Variants in ABCC11 observed in about 807,000 individuals in gnomAD.
ABCC11 encodes the protein ATP binding cassette subfamily C member 11.
ABCC11 carries 135 observed loss-of-function variants against 149.3 expected under a neutral mutation model. The ratio of observed to expected loss-of-function variants is 0.90; its 90% CI spans 0.79 to 1.04. The LOEUF (loss-of-function observed/expected upper bound fraction) is 1.04, where lower values mean the gene tolerates loss of function less well. Among genes scored for constraint, ABCC11 ranks in the 50% least tolerant of loss-of-function variants. The pLI is 0.00. For synonymous variants in ABCC11, 665 were observed against 671.4 expected (o/e 0.99, Z 0.15); for missense variants, 1,680 against 1,722.1 (o/e 0.98, Z 0.43).
At chr16:48,180,837 A>C (rs1360832662) in intron 23 of ABCC11, among the ~76,000 whole-genome samples, 1 of 152,218 alleles carries the variant, frequency 6.6e-6, no homozygotes, top group Non-Finnish European at 1.5e-5. Context: ...TGACTTGGAA[A>C]GTACTGAAGG....
chr16:48,179,082 T>C (rs746050113), intron 23 of ABCC11, among the ~76,000 whole-genome samples: 6 of 152,262 alleles, frequency 3.9e-5, no homozygotes, highest in Non-Finnish European at 8.8e-5. Flanking sequence ...AATGCTCCCA[T>C]CTCCCAGCCT....
chr16:48,232,813 C>A (rs1970494171), intron 1 of ABCC11, among the ~76,000 whole-genome samples: 1 of 152,212 alleles, frequency 6.6e-6, no homozygotes, highest in Non-Finnish European at 1.5e-5. Flanking sequence ...TAAATTTGAA[C>A]AAGAAGACCC....
chr16:48,197,795 C>A (rs539824230), intron 17 of ABCC11, among the ~76,000 whole-genome samples, 176 bp downstream of exon 17: 1 of 152,282 alleles, frequency 6.6e-6, no homozygotes, highest in East Asian at 1.9e-4. Context: ...TCCTGCCCAT[C>A]AGTCTACACC....
At chr16:48,220,776 G>C (rs951195530) in intron 6 of ABCC11, among the ~76,000 whole-genome samples, 1 of 152,148 alleles carries the variant, frequency 6.6e-6, no homozygotes, top group South Asian at 2.1e-4. Flanking sequence ...TTTATGGAAC[G>C]CCTCTACTTG....
intron 19 of ABCC11, among the ~76,000 whole-genome samples, chr16:48,192,927 G>A (rs1248849370): frequency 3.9e-5 from 6 of 152,296 alleles, no homozygotes; most frequent in African/African-American, 1.2e-4. Flanking sequence ...CTGCCCCGTG[G>A]ACACTGCAGC....
chr16:48,231,675 AAG>A (rs1277406308), intron 2 of ABCC11, 146 bp downstream of exon 2: 9,677 of 812,342 alleles, frequency 0.012, 160 homozygotes, highest in African/African-American at 0.088. Context: ...AAAAAAAAAA[AAG>A]AGAGAGAGAG....
In ABCC11 at chr16:48,171,199, GTGT is replaced by G. The variant is rs1448758087; in HGVS notation, c.3699-235_3699-233del. 7.2e-4 allele frequency among the ~76,000 whole-genome samples: 109 copies of G among 152,328 alleles called. 2 individuals are homozygous for G. Among genetic ancestry groups the G allele is most frequent in the African/African-American group, 2.5e-3 (103 of 41,574 alleles). On this transcript the variant is annotated intron_variant, in intron 26 of 29. Coordinates refer to ENST00000356608, the MANE Select transcript of ABCC11 (RefSeq NM_001370497.1). ...CCTCCTCCCCAGTCCCCCAGCCCATGTGTTCCAGGGCAGGCTCCACCATCCACT... is the reference window on the plus strand; with the variant it reads ...CCTCCTCCCCAGTCCCCCAGCCCATGTCCAGGGCAGGCTCCACCATCCACT...
intron 11 of ABCC11, among the ~76,000 whole-genome samples, chr16:48,208,870 T>TCATG (rs1321312074): frequency 2.0e-5 from 3 of 152,176 alleles, no homozygotes; most frequent in Admixed American, 6.5e-5. Context: ...TCACAGAATT[T>TCATG]CATGCATGCA....
At position 48,230,501 on chromosome 16, in the gene ABCC11, C is replaced by G; in HGVS notation, c.172G>C (p.Val58Leu). The stretch of plus-strand genomic sequence containing the variant: ...GCATCATACTTCCCCCACGGTGGGA[C>G]AGCTGCCCTCCCTGGAGCCTCAGGA... ...RNPEAPGRAA[V>L]PPWGKYDAAL... The change falls in exon 3 of 30, where the codon GTC becomes CTC. Residue 58 changes from valine to leucine, a missense_variant. Coordinates refer to ENST00000356608, the MANE Select transcript of ABCC11 (RefSeq NM_001370497.1). 6.2e-7 allele frequency: 1 copy of G among 1,612,710 alleles called. No individual in the cohort carries two copies. Among genetic ancestry groups the G allele is most frequent in the Non-Finnish European group, 8.5e-7 (1 of 1,179,362 alleles).
At position 48,211,200 on chromosome 16, in the gene ABCC11, C is replaced by A. The variant is rs760544160; in HGVS notation, c.1357-1G>T. On this transcript the variant is annotated splice_acceptor_variant, in intron 10 of 29. Transcript: ENST00000356608. LOFTEE classifies it high-confidence loss of function. The stretch of plus-strand genomic sequence containing the variant: ...CAGGGCTCTCCTGGAGGAAAAACTT[C>A]TGTAAAGACAGAAAAAAATAGAGGG... 1.2e-6 allele frequency: 2 copies of A among 1,612,838 alleles called. No homozygotes were observed. The highest frequency in any genetic ancestry group is 1.7e-6 in the Non-Finnish European group (2 of 1,179,402).
At chr16:48,199,399 C>CA (rs957510690) in intron 15 of ABCC11, among the ~76,000 whole-genome samples, 191 of 140,596 alleles carry the variant, frequency 1.4e-3, no homozygotes, top group East Asian at 7.8e-3. Context: ...TATTTTATAC[C>CA]AAAAAAAAAT....
intron 23 of ABCC11, among the ~76,000 whole-genome samples, chr16:48,182,889 C>T (rs1187000847): frequency 6.6e-6 from 1 of 151,778 alleles, no homozygotes; most frequent in African/African-American, 2.4e-5. Context: ...CCTCTCTGTG[C>T]CTGGGATTCC....
chr16:48,183,717 C>T (rs1966585327), intron 23 of ABCC11, among the ~76,000 whole-genome samples: 1 of 152,184 alleles, frequency 6.6e-6, no homozygotes, highest in African/African-American at 2.4e-5. Flanking sequence ...GAGCCAAGAT[C>T]GTGCCACTGT....
intron 19 of ABCC11, among the ~76,000 whole-genome samples, chr16:48,193,586 G>C (rs1268641046): frequency 6.6e-6 from 1 of 152,210 alleles, no homozygotes; most frequent in Non-Finnish European, 1.5e-5. Context: ...GGAGCTAAAG[G>C]AGACAGTTAC....
In ABCC11 at chr16:48,170,889, G is replaced by C; in HGVS notation, c.3777C>G (p.Ala1259=). 6.2e-7 allele frequency: 1 copy of C among 1,612,602 alleles called. No homozygotes were observed. The highest frequency in any genetic ancestry group is 8.5e-7 in the Non-Finnish European group (1 of 1,178,684). Residue 1259 remains alanine (A), a splice_region_variant and synonymous_variant, in exon 27 of 30, where the codon GCC becomes GCG. Transcript: ENST00000356608. ...AGACTTGGGCCTTGGAGCTACTTAC[G>C]GCCTTGGTCAGGAATGTCCTCTCCA... The part of the protein sequence containing the change: ...DALERTFLTK[A]ISKFPKKLHT...
At position 48,214,869 on chromosome 16, in the gene ABCC11, C is replaced by T. The variant is rs763975884; in HGVS notation, c.1248+12G>A. ...CATGATGGGGAGAAAACAAAGCCCC[C>T]CAAACCCTTACCATTGACGCTGTGA... On this transcript the variant is annotated intron_variant, in intron 9 of 29. Coordinates refer to ENST00000356608, the MANE Select transcript of ABCC11 (RefSeq NM_001370497.1). 1.1e-5 allele frequency: 18 copies of T among 1,613,996 alleles called. No homozygotes were observed. Among genetic ancestry groups the T allele is most frequent in the Admixed American group, 3.3e-5 (2 of 59,980 alleles).
At position 48,198,039 on chromosome 16, in the gene ABCC11, G is replaced by A. The variant is rs2150808926; in HGVS notation, c.2246C>T (p.Ala749Val). 6.2e-7 allele frequency: 1 copy of A among 1,614,170 alleles called. No individual in the cohort carries two copies. The highest frequency in any genetic ancestry group is 8.5e-7 in the Non-Finnish European group (1 of 1,180,020). Residue 749 changes from alanine (A) to valine (V), a missense_variant, in exon 17 of 30, where the codon GCA becomes GTA. Transcript: ENST00000356608. ...CTGACTTTCTACCTTTGGCTTCTCTGCTATCTTTGCTGTGTCCTGCAACAT... is the reference window on the plus strand; with the variant it reads ...CTGACTTTCTACCTTTGGCTTCTCTACTATCTTTGCTGTGTCCTGCAACAT... ...SDMLQDTAKIAEKPKVESQAL... is the reference protein window; with the variant it reads ...SDMLQDTAKIVEKPKVESQAL...
At chr16:48,244,855 C>T (rs577530000) in intron 1 of ABCC11, among the ~76,000 whole-genome samples, 22 of 152,330 alleles carry the variant, frequency 1.4e-4, no homozygotes, top group African/African-American at 5.1e-4. Flanking sequence ...TACGCAGTTC[C>T]CTACCGTTCT....
intron 6 of ABCC11, 62 bp downstream of exon 6, chr16:48,222,536 C>T (rs1680339897): frequency 1.4e-6 from 2 of 1,416,814 alleles, no homozygotes; most frequent in Admixed American, 3.5e-5. Context: ...GCCCCCAGGG[C>T]AGTTATGTCC....
Sources: gnomAD v4.1 joint callset for allele counts (sites outside exome capture counted in the v4.1 genomes callset) on GRCh38, gnomAD v4.1.1 for gene constraint, MANE v1.5 for transcripts, NCBI Gene and HGNC (gene_info 2026-07-23, HGNC 2026-07-21) for gene names.